Variants in MAGI2 observed in about 807,000 individuals in gnomAD.
The protein encoded by MAGI2 is membrane associated guanylate kinase, WW and PDZ domain containing 2.
Under a neutral mutation model 133.3 loss-of-function variants are expected in MAGI2, and 35 were observed. That is an observed-to-expected ratio of 0.26 (90% confidence interval 0.20 to 0.35). The LOEUF is 0.35. Ranked by LOEUF, MAGI2 falls within the 10% of genes least tolerant of loss-of-function variation. The probability of loss-of-function intolerance (pLI) is 1.00; values close to 1 mark genes in which losing one functional copy is unlikely to be tolerated. For synonymous variants in MAGI2, 729 were observed against 710.6 expected, an observed-to-expected ratio of 1.03 and a Z score of -0.41; for missense variants, 1,636 against 1,863.4, an observed-to-expected ratio of 0.88 and a Z score of 2.25.
chr7:78,394,368 C>G (rs1796155850), intron 6 of MAGI2, among the ~76,000 whole-genome samples: 1 of 152,178 alleles, frequency 6.6e-6, no homozygotes, highest in South Asian at 2.1e-4. Flanking sequence ...CAGATAAAGC[C>G]TAAACTCCTT....
intron 2 of MAGI2, among the ~76,000 whole-genome samples, chr7:78,992,515 T>C (rs1805890352): frequency 6.6e-6 from 1 of 152,048 alleles, no homozygotes; most frequent in South Asian, 2.1e-4. Context: ...ACCAATGAAT[T>C]TGGAAGATAA....
At chr7:78,627,595 T>G (rs539189595) in intron 2 of MAGI2, among the ~76,000 whole-genome samples, 38 of 152,340 alleles carry the variant, frequency 2.5e-4, no homozygotes, top group African/African-American at 9.1e-4. Flanking sequence ...ACTCCATGAA[T>G]GAACCTCTAT....
chr7:78,970,163 T>C (rs1299976998), intron 2 of MAGI2, among the ~76,000 whole-genome samples: 1 of 152,122 alleles, frequency 6.6e-6, no homozygotes, highest in Admixed American at 6.6e-5. Context: ...CATAATCAAC[T>C]AGATTATTAA....
intron 2 of MAGI2, among the ~76,000 whole-genome samples, chr7:78,956,381 T>C (rs1802381867): frequency 6.6e-6 from 1 of 152,152 alleles, no homozygotes; most frequent in Non-Finnish European, 1.5e-5. Flanking sequence ...GGCATTATAG[T>C]CTCTGCATGC....
At chr7:78,745,805 T>A (rs1264533140) in intron 2 of MAGI2, among the ~76,000 whole-genome samples, 9 of 152,238 alleles carry the variant, frequency 5.9e-5, no homozygotes, top group Admixed American at 5.9e-4. Context: ...GAAAATCATT[T>A]GCTTGGTATT....
intron 2 of MAGI2, among the ~76,000 whole-genome samples, chr7:78,942,750 G>A (rs1801089997): frequency 6.6e-6 from 1 of 151,954 alleles, no homozygotes; most frequent in Admixed American, 6.6e-5. Context: ...ATATGCATTT[G>A]CTTGTTAAAA....
chr7:78,955,620 T>G (rs981385626), intron 2 of MAGI2, among the ~76,000 whole-genome samples: 7 of 145,574 alleles, frequency 4.8e-5, no homozygotes, highest in African/African-American at 1.7e-4. Flanking sequence ...CTCCCTCCCT[T>G]CCTTCCTTCC....
intron 3 of MAGI2, among the ~76,000 whole-genome samples, chr7:78,550,424 G>A (rs562540463): frequency 1.3e-5 from 2 of 152,234 alleles, no homozygotes; most frequent in East Asian, 1.9e-4. Flanking sequence ...ACTTAGGATG[G>A]CTCAATACAC....
rs1211627786 is a variant in MAGI2 at position 78,521,584 on chromosome 7, T to A, written c.600A>T (p.Thr200=). The A allele has an allele frequency of 1.2e-6, 2 of 1,614,202 alleles. No homozygotes were observed. Among genetic ancestry groups the A allele is most frequent in the East Asian group, 4.5e-5 (2 of 44,876 alleles). ...GAGTGGCTCCTGGAAGTATCTGGTC[T>A]GTTACATTTAACAATAATGGTGCTG... is the stretch of plus-strand genomic sequence containing the variant. ...AEPAPLLLNV[T]DQILPGATPS... is the part of the protein sequence containing the mutation. The change falls in exon 4 of 22, where the codon ACA becomes ACT. Residue 200 remains threonine, a synonymous_variant. Transcript: ENST00000354212.
intron 1 of MAGI2, among the ~76,000 whole-genome samples, chr7:79,226,787 T>C (rs974811150): frequency 1.3e-5 from 2 of 152,186 alleles, no homozygotes; most frequent in African/African-American, 4.8e-5. Context: ...AAAATAGATA[T>C]AGTAGCACCT....
intron 1 of MAGI2, among the ~76,000 whole-genome samples, chr7:79,398,463 C>G (rs1167921608): frequency 6.6e-6 from 1 of 152,124 alleles, no homozygotes; most frequent in Non-Finnish European, 1.5e-5. Context: ...AGACAAATCC[C>G]CAAATCTGTC....
At chr7:79,400,036 T>C (rs1473513829) in intron 1 of MAGI2, among the ~76,000 whole-genome samples, 4 of 152,196 alleles carry the variant, frequency 2.6e-5, no homozygotes, top group Admixed American at 6.5e-5. Flanking sequence ...AAAATAGAAA[T>C]TGTGAACTTG....
chr7:79,054,501 G>A (rs1812964696), intron 1 of MAGI2, among the ~76,000 whole-genome samples: 1 of 151,992 alleles, frequency 6.6e-6, no homozygotes, highest in Admixed American at 6.6e-5. Flanking sequence ...TTTCCTTTTG[G>A]ATTGCTTGAT....
At chr7:78,554,321 A>ATCTTGGTCACACT (rs1799605381) in intron 3 of MAGI2, among the ~76,000 whole-genome samples, 1 of 152,176 alleles carries the variant, frequency 6.6e-6, no homozygotes, top group African/African-American at 2.4e-5. Flanking sequence ...CACCATCATG[A>ATCTTGGTCACACT]TCTTGGTCAC....
intron 2 of MAGI2, among the ~76,000 whole-genome samples, chr7:78,906,766 G>C (rs1798019411): frequency 7.4e-6 from 1 of 134,908 alleles, no homozygotes; most frequent in Non-Finnish European, 1.5e-5. Flanking sequence ...ACATCTCTAG[G>C]GTCAGTTTCT....
intron 6 of MAGI2, among the ~76,000 whole-genome samples, chr7:78,378,776 A>G (rs189272498): frequency 6.6e-6 from 1 of 152,162 alleles, no homozygotes; most frequent in East Asian, 1.9e-4. Flanking sequence ...ACTAATGGTA[A>G]TCATTCAACA....
intron 2 of MAGI2, among the ~76,000 whole-genome samples, chr7:78,860,139 T>A (rs1794030396): frequency 6.6e-6 from 1 of 152,164 alleles, no homozygotes; most frequent in Non-Finnish European, 1.5e-5. Flanking sequence ...TAGCCATTCG[T>A]CTAATCTTTT....
chr7:78,984,332 A>C (rs758375743), intron 2 of MAGI2, among the ~76,000 whole-genome samples: 17 of 151,990 alleles, frequency 1.1e-4, no homozygotes, highest in Non-Finnish European at 2.1e-4. Context: ...GTCAGATAAC[A>C]TCCCTTCTGT....
intron 6 of MAGI2, among the ~76,000 whole-genome samples, chr7:78,482,319 A>T (rs974348): frequency 1.3e-5 from 2 of 151,602 alleles, no homozygotes; most frequent in African/African-American, 4.8e-5. Flanking sequence ...AAAGAGTATA[A>T]CCATTCTAGA....
Sources: allele counts gnomAD v4.1 joint callset (sites outside exome capture counted in the v4.1 genomes callset), GRCh38; gene constraint gnomAD v4.1.1; transcripts MANE v1.5; gene names NCBI Gene and HGNC (gene_info 2026-07-23, HGNC 2026-07-21).